The following CLIC5 variants were observed in gnomAD, a reference collection of about 807,000 sequenced individuals.
CLIC5 encodes the protein chloride intracellular channel protein 5.
Under a neutral mutation model 24.7 loss-of-function variants are expected in CLIC5, and 20 were observed. The observed-to-expected ratio is 0.81, with a 90% CI of 0.57 to 1.18. The LOEUF is 1.18. Among genes scored for constraint, CLIC5 ranks in the 50% most tolerant of loss-of-function variants. The pLI is 0.00. For missense variants in CLIC5, 341 were observed against 326.1 expected (o/e 1.05, Z -0.35); for synonymous variants, 159 against 135.6 (o/e 1.17, Z -1.20).
At chr6:45,945,803 G>A (rs1283166673) in intron 3 of CLIC5, among the ~76,000 whole-genome samples, 1 of 152,110 alleles carries the variant, frequency 6.6e-6, no homozygotes, top group African/African-American at 2.4e-5. Flanking sequence ...GTGAGTTATC[G>A]CTATACATTT....
At chr6:45,944,650 T>G (rs1379878538) in intron 3 of CLIC5, among the ~76,000 whole-genome samples, 2 of 148,942 alleles carry the variant, frequency 1.3e-5, no homozygotes, top group East Asian at 4.0e-4. Flanking sequence ...TGGTTTAGAG[T>G]CCCAGCTGAC....
intron 1 of CLIC5, among the ~76,000 whole-genome samples, chr6:46,048,972 G>C (rs1467476331): frequency 6.6e-6 from 1 of 152,200 alleles, no homozygotes; most frequent in African/African-American, 2.4e-5. Flanking sequence ...TTAAAAGCCA[G>C]AGTGGTCAGA....
In CLIC5 at chr6:46,053,485, A is replaced by G. The variant is rs538509864; in HGVS notation, c.540+26218T>C. ...GTATGTAGGTGGAAGAGTGATGTGC[A>G]CAACCTCATATTGCTCAGGCCTATA... On this transcript the variant is annotated intron_variant, in intron 1 of 5. Transcript: ENST00000185206. Among the ~76,000 whole-genome samples, 526 of 152,346 alleles carry G rather than the reference A, an allele frequency of 3.5e-3. 2 individuals are homozygous for G. The highest frequency in any genetic ancestry group is 5.7e-3 in the Non-Finnish European group (388 of 68,030).
At chr6:45,956,216 A>G (rs1157859885) in intron 1 of CLIC5, among the ~76,000 whole-genome samples, 1 of 152,202 alleles carries the variant, frequency 6.6e-6, no homozygotes, top group Admixed American at 6.5e-5. Context: ...TGAACAAACA[A>G]AAAAGGTTGG....
At chr6:45,962,323 C>T (rs1039521926) in intron 1 of CLIC5, among the ~76,000 whole-genome samples, 2 of 151,604 alleles carry the variant, frequency 1.3e-5, no homozygotes, top group Admixed American at 6.6e-5. Flanking sequence ...CAGGCTGAAG[C>T]CCCGGGGAAG....
intron 4 of CLIC5, among the ~76,000 whole-genome samples, chr6:45,927,334 A>C (rs531878658): frequency 6.6e-6 from 1 of 152,290 alleles, no homozygotes; most frequent in South Asian, 2.1e-4. Flanking sequence ...ACAGTGTCCG[A>C]ATCGCCTGGG....
chr6:45,973,725 T>A (rs1034224983), intron 1 of CLIC5, among the ~76,000 whole-genome samples: 1 of 152,068 alleles, frequency 6.6e-6, no homozygotes, highest in Non-Finnish European at 1.5e-5. Context: ...GATCATGAGA[T>A]CAAGAGATTG....
chr6:46,113,805 G>A, the CLIC5 span, among the ~76,000 whole-genome samples: 8 of 152,122 alleles, frequency 5.3e-5, no homozygotes, highest in South Asian at 4.1e-4. Context: ...TCTGACCAAC[G>A]TCCTTATCAA....
Position 46,028,978 on chromosome 6 carries a change from C to T in CLIC5, c.540+50725G>A, listed in dbSNP as rs566482997. On this transcript the variant is annotated intron_variant, in intron 1 of 5. Coordinates refer to the CLIC5 transcript ENST00000185206. ...GTGCCCTGCCTATTCATTCCTCCCC[C>T]ACCCCCACTAACCCCTGGAAACCAC... Among the ~76,000 whole-genome samples the T allele has an allele frequency of 3.3e-5, 5 of 152,184 alleles. 1 individual carries two copies. Among genetic ancestry groups the T allele is most frequent in the Admixed American group, 3.3e-4 (5 of 15,274 alleles).
the CLIC5 span, among the ~76,000 whole-genome samples, chr6:46,113,576 C>T: frequency 3.9e-5 from 6 of 152,162 alleles, no homozygotes; most frequent in African/African-American, 1.4e-4. Context: ...GGCACACTTA[C>T]CAGCAGGTGG....
intron 1 of CLIC5, among the ~76,000 whole-genome samples, chr6:46,077,193 GTTAC>G (rs1347719438): frequency 2.0e-5 from 3 of 151,998 alleles, no homozygotes; most frequent in African/African-American, 7.3e-5. Context: ...AATGACATAT[GTTAC>G]TTAATTAAAT....
At chr6:45,930,686 A>ATGGAG (rs1222313457) in intron 4 of CLIC5, among the ~76,000 whole-genome samples, 1 of 152,228 alleles carries the variant, frequency 6.6e-6, no homozygotes, top group Admixed American at 6.5e-5. Context: ...GACACTAGGT[A>ATGGAG]TGGAGGCGGG....
intron 1 of CLIC5, among the ~76,000 whole-genome samples, chr6:45,967,230 C>T (rs993806487): frequency 6.6e-6 from 1 of 152,208 alleles, no homozygotes; most frequent in Admixed American, 6.5e-5. Flanking sequence ...ATCCACACAG[C>T]CAGATGGGCA....
At chr6:46,074,797 A>T (rs139370566) in intron 1 of CLIC5, among the ~76,000 whole-genome samples, 35 of 152,346 alleles carry the variant, frequency 2.3e-4, no homozygotes, top group African/African-American at 7.9e-4. Flanking sequence ...CAGGAGTTGG[A>T]GCCATACACC....
chr6:46,126,482 A>T, the CLIC5 span, among the ~76,000 whole-genome samples: 3 of 152,128 alleles, frequency 2.0e-5, no homozygotes, highest in South Asian at 6.2e-4. Flanking sequence ...CATGGTGGTT[A>T]ATACAGAATC....
intron 1 of CLIC5, among the ~76,000 whole-genome samples, chr6:46,007,092 C>T (rs1460281960): frequency 1.3e-5 from 2 of 152,160 alleles, no homozygotes; most frequent in Non-Finnish European, 2.9e-5. Context: ...ATCCCTAGCC[C>T]TGAGCCCCTG....
chr6:45,902,377 G>A lies in CLIC5; in HGVS notation c.*711C>T, dbSNP rs1762533045. ...ATCCCAGTCACTGCAGTTTAGAATT[G>A]CATGCCAATTTCCTTTTCTGGCAGG... On this transcript the variant is annotated 3_prime_UTR_variant, in exon 6 of 6. Transcript: ENST00000339561. 6.5e-6 allele frequency: 1 copy of A among 152,844 alleles called. No homozygotes were observed. The allele number at this position is 152,844 out of a possible 1,614,324, so 9.5% of individuals were successfully genotyped here.
the CLIC5 span, chr6:46,102,774 A>C: frequency 6.6e-6 from 1 of 152,284 alleles, no homozygotes; most frequent in Non-Finnish European, 1.5e-5. Flanking sequence ...ACAAAGGGTG[A>C]GTGCTGTTTT....
intron 6 of CLIC5, among the ~76,000 whole-genome samples, chr6:45,890,927 G>C (rs1561911724): frequency 6.6e-6 from 1 of 152,084 alleles, no homozygotes; most frequent in East Asian, 1.9e-4. Flanking sequence ...ATGAGGAATG[G>C]GTGGACAGGG....
Sources: allele counts gnomAD v4.1 joint callset (sites outside exome capture counted in the v4.1 genomes callset), GRCh38; gene constraint gnomAD v4.1.1; transcripts MANE v1.5; gene names NCBI Gene and HGNC (gene_info 2026-07-23, HGNC 2026-07-21).